MCPH1: variants seen among roughly 807,000 people sequenced by gnomAD.
The protein encoded by MCPH1 is microcephalin 1, also known as microcephalin.
Under a neutral mutation model 84.5 loss-of-function variants are expected in MCPH1, and 104 were observed. That is an observed-to-expected ratio of 1.23 (90% CI 1.05 to 1.45). The LOEUF is 1.45. Ranked by LOEUF, MCPH1 falls within the 40% of genes most tolerant of loss-of-function variation. The probability of loss-of-function intolerance (pLI) is 0.00; values close to 1 mark genes in which losing one functional copy is unlikely to be tolerated. For missense variants in MCPH1, 1,498 were observed against 1,005.7 expected (o/e 1.49, Z -6.62); for synonymous variants, 514 against 366.8 (o/e 1.40, Z -4.58).
chr8:6,634,470 T>G (rs1797395553), intron 13 of MCPH1, among the ~76,000 whole-genome samples: 1 of 150,596 alleles, frequency 6.6e-6, no homozygotes, highest in African/African-American at 2.4e-5. Flanking sequence ...CTACAGGAAT[T>G]AAGGATGCCA....
chr8:6,464,383 G>A (rs1009655760), intron 9 of MCPH1, among the ~76,000 whole-genome samples: 2 of 152,182 alleles, frequency 1.3e-5, no homozygotes, highest in African/African-American at 4.8e-5. Flanking sequence ...CCATTAGCAC[G>A]TTGTTTTTTT....
intron 13 of MCPH1, chr8:6,626,295 G>T: frequency 3.0e-6 from 3 of 985,268 alleles, no homozygotes; most frequent in Non-Finnish European, 3.6e-6. Flanking sequence ...TTGCTCCCTG[G>T]AGAATTTCAT....
chr8:6,632,900 A>G (rs1439073767), intron 13 of MCPH1, among the ~76,000 whole-genome samples: 1 of 152,194 alleles, frequency 6.6e-6, no homozygotes, highest in Non-Finnish European at 1.5e-5. Context: ...CACATAACCA[A>G]GTGTGGTTTA....
At chr8:6,632,250 G>A (rs1288288166) in intron 13 of MCPH1, among the ~76,000 whole-genome samples, 1 of 152,168 alleles carries the variant, frequency 6.6e-6, no homozygotes, top group East Asian at 1.9e-4. Flanking sequence ...GAACATTCTA[G>A]AAATTAATAG....
intron 12 of MCPH1, among the ~76,000 whole-genome samples, chr8:6,594,747 T>C (rs1483111225): frequency 6.7e-6 from 1 of 148,446 alleles, no homozygotes; most frequent in Non-Finnish European, 1.5e-5. Flanking sequence ...GGCCTGTCAC[T>C]TGCCATCTCT....
In MCPH1 at chr8:6,414,795, C is replaced by T; in HGVS notation, c.145C>T (p.His49Tyr). The change falls in exon 3 of 14, where the codon CAC becomes TAC. Residue 49 changes from histidine to tyrosine, a missense_variant. Physicochemically the swap from His to Tyr is moderately conservative, Grantham distance 83 (BLOSUM62 2). Transcript: ENST00000344683. ...AAAAACTTTTAACAAACAAGTAACT[C>T]ACGTTATCTTCAAAGATGGCTACCA... is the stretch of plus-strand genomic sequence containing the variant. ...VSKTFNKQVT[H>Y]VIFKDGYQST... 1 of 1,613,768 alleles carries T rather than the reference C, an allele frequency of 6.2e-7. No homozygotes were observed. Among genetic ancestry groups the T allele is most frequent in the Non-Finnish European group, 8.5e-7 (1 of 1,179,858 alleles).
intron 12 of MCPH1, among the ~76,000 whole-genome samples, chr8:6,583,193 C>G (rs1026516289): frequency 4.0e-5 from 6 of 151,252 alleles, no homozygotes; most frequent in South Asian, 4.2e-4. Context: ...TTTTTTTTCT[C>G]TGCTTTATTT....
chr8:6,455,182 A>G lies in MCPH1; in HGVS notation c.1865A>G (p.Asp622Gly), dbSNP rs766595782. Reference protein sequence around the residue: ...NRPTRHDVLDDSCDGFKDLIK... With the variant: ...NRPTRHDVLDGSCDGFKDLIK... ...CCAACAAGGCATGATGTTTTAGATG[A>G]CTCATGTGACGGCTTTAAGGACCTC... The change falls in exon 9 of 14, where the codon GAC (aspartate) becomes GGC (glycine). Residue 622 changes from aspartate (D) to glycine (G), a missense_variant. By Grantham distance (94) the Asp-to-Gly change is moderately conservative (BLOSUM62 -1). Coordinates refer to ENST00000344683, the MANE Select transcript of MCPH1 (RefSeq NM_024596.5). 6.2e-7 allele frequency: 1 copy of G among 1,613,956 alleles called. No homozygotes were observed. The highest frequency in any genetic ancestry group is 1.1e-5 in the South Asian group (1 of 91,088).
intron 12 of MCPH1, among the ~76,000 whole-genome samples, chr8:6,600,339 G>A (rs1204970146): frequency 6.6e-6 from 1 of 152,248 alleles, no homozygotes; most frequent in African/African-American, 2.4e-5. Flanking sequence ...CTGGCCGTGG[G>A]TGCTGGCCTG....
intron 12 of MCPH1, among the ~76,000 whole-genome samples, chr8:6,539,439 C>G (rs1821120660): frequency 6.6e-6 from 1 of 152,156 alleles, no homozygotes; most frequent in African/African-American, 2.4e-5. Context: ...GTGCCAATTT[C>G]CTAGTGGGTA....
At chr8:6,583,631 C>T (rs1415173658) in intron 12 of MCPH1, among the ~76,000 whole-genome samples, 1 of 152,162 alleles carries the variant, frequency 6.6e-6, no homozygotes, top group African/African-American at 2.4e-5. Flanking sequence ...AAGGGAGGAG[C>T]TGGCCTGGAG....
chr8:6,420,669 G>A (rs1425222454), intron 3 of MCPH1, among the ~76,000 whole-genome samples: 1 of 151,984 alleles, frequency 6.6e-6, no homozygotes, highest in Non-Finnish European at 1.5e-5. Context: ...TATCTCTGCT[G>A]TTACAGTCGA....
At chr8:6,462,293 A>C (rs1042876488) in intron 9 of MCPH1, among the ~76,000 whole-genome samples, 1 of 152,246 alleles carries the variant, frequency 6.6e-6, no homozygotes, top group Non-Finnish European at 1.5e-5. Flanking sequence ...TTGCTAGAAT[A>C]TGAGCCCATA....
intron 12 of MCPH1, among the ~76,000 whole-genome samples, chr8:6,608,556 G>T (rs1829979893): frequency 6.6e-6 from 1 of 152,198 alleles, no homozygotes; most frequent in Non-Finnish European, 1.5e-5. Flanking sequence ...ACTGACAGAT[G>T]TAAGATTATT....
In MCPH1 at chr8:6,648,162, A is replaced by G. The variant is rs1798304456; in HGVS notation, c.*5113A>G. The G allele has an allele frequency of 6.6e-6, 1 of 152,190 alleles. No individual in the cohort carries two copies. Among genetic ancestry groups the G allele is most frequent in the Non-Finnish European group, 1.5e-5 (1 of 68,052 alleles). The allele number at this position is 152,190 out of a possible 1,614,324, so 9.4% of individuals were successfully genotyped here. A position where few individuals can be genotyped will look rare whatever the true frequency, so the allele number is the denominator to read the frequency against. ...CACAGAAAGGCACAGGGCATGGCTG[A>G]TTCAGCCCAACATGAGGCTCCACAC... On this transcript the variant is annotated 3_prime_UTR_variant, in exon 14 of 14. Transcript: ENST00000344683.
At chr8:6,557,541 G>T (rs1473482349) in intron 12 of MCPH1, among the ~76,000 whole-genome samples, 2 of 152,190 alleles carry the variant, frequency 1.3e-5, no homozygotes, top group African/African-American at 4.8e-5. Context: ...GGAGGATGTA[G>T]TGAAAAGAGA....
chr8:6,442,251 A>T (rs1393064887), intron 7 of MCPH1, 95 bp downstream of exon 7: 13 of 761,516 alleles, frequency 1.7e-5, no homozygotes, highest in Non-Finnish European at 2.7e-5. Context: ...TCTGATGAGT[A>T]AAATAATTAG....
At chr8:6,603,479 A>G (rs1203314018) in intron 12 of MCPH1, among the ~76,000 whole-genome samples, 1 of 152,212 alleles carries the variant, frequency 6.6e-6, no homozygotes, top group Non-Finnish European at 1.5e-5. Context: ...TTAAACACAT[A>G]CCCTTTGCTC....
At chr8:6,493,122 T>C (rs1305446332) in intron 11 of MCPH1, among the ~76,000 whole-genome samples, 1 of 152,236 alleles carries the variant, frequency 6.6e-6, no homozygotes, top group Non-Finnish European at 1.5e-5. Context: ...TGTTTTCCTT[T>C]TGATAAGAGA....
Sources: allele counts gnomAD v4.1 joint callset (sites outside exome capture counted in the v4.1 genomes callset), GRCh38; gene constraint gnomAD v4.1.1; transcripts MANE v1.5; gene names NCBI Gene and HGNC (gene_info 2026-07-23, HGNC 2026-07-21).